The following AEBP1 variants were observed in gnomAD, a reference collection of about 807,000 sequenced individuals.
AEBP1 encodes the protein AE binding protein 1.
Under a neutral mutation model 116.5 loss-of-function variants are expected in AEBP1, and 69 were observed. The ratio of observed to expected loss-of-function variants is 0.59; its 90% CI spans 0.49 to 0.72. The LOEUF (loss-of-function observed/expected upper bound fraction) is 0.72. Among genes scored for constraint, AEBP1 ranks in the 30% least tolerant of loss-of-function variants. AEBP1 has a pLI of 0.00. For synonymous variants in AEBP1, 627 were observed against 627.3 expected (o/e 1.00, Z 0.01); for missense variants, 1,444 against 1,557.5 (o/e 0.93, Z 1.23).
At position 44,106,753 on chromosome 7, in the gene AEBP1, A is replaced by G. The variant is rs1269746679; in HGVS notation, c.461A>G (p.Lys154Arg). 6.2e-7 allele frequency: 1 copy of G among 1,609,132 alleles called. No homozygotes were observed. Among genetic ancestry groups the G allele is most frequent in the Non-Finnish European group, 8.5e-7 (1 of 1,179,250 alleles). Reference sequence around the variant, plus strand: ...CCACCCAAGGCCACCAAGAAGCCCAAAGAGAAGCCACCCAAGGCCACCAAG... The same window carrying G: ...CCACCCAAGGCCACCAAGAAGCCCAGAGAGAAGCCACCCAAGGCCACCAAG... ...EKPPKATKKP[K>R]EKPPKATKKP... Residue 154 changes from lysine (K) to arginine (R), a missense_variant, in exon 2 of 21, where the codon AAA (lysine) becomes AGA (arginine). Coordinates refer to ENST00000223357, the MANE Select transcript of AEBP1 (RefSeq NM_001129.5).
Position 44,108,063 on chromosome 7 carries a change from G to C in AEBP1, c.919G>C (p.Val307Leu). The part of the protein sequence containing the change: ...PLPPDYGDGY[V>L]IPNYDDMDYY... Reference sequence around the variant, plus strand: ...GCCCCCTGACTATGGTGATGGTTACGTGATCCCCAACTACGATGACAGTGA... The same window carrying C: ...GCCCCCTGACTATGGTGATGGTTACCTGATCCCCAACTACGATGACAGTGA... The change falls in exon 6 of 21, where the codon GTG becomes CTG. Residue 307 changes from valine (V) to leucine (L), a missense_variant. Transcript: ENST00000223357. This position sits in a 1 kb window ranked among gnomAD's most constrained non-coding sequence, Gnocchi z 5.0. The C allele has an allele frequency of 6.2e-7, 1 of 1,602,668 alleles. No individual in the cohort carries two copies. Among genetic ancestry groups the C allele is most frequent in the Non-Finnish European group, 8.5e-7 (1 of 1,175,862 alleles).
chr7:44,105,267 C>A (rs2075072), intron 1 of AEBP1, among the ~76,000 whole-genome samples: 30,092 of 152,108 alleles, frequency 0.2, 5,460 homozygotes, highest in African/African-American at 0.47. Flanking sequence ...ACTAATGGGA[C>A]CACTCTCCCT....
chr7:44,111,666 T>G lies in AEBP1; in HGVS notation c.1840+36T>G, dbSNP rs528409648. On this transcript the variant is annotated intron_variant, in intron 15 of 20. Coordinates refer to ENST00000223357, the MANE Select transcript of AEBP1 (RefSeq NM_001129.5). The surrounding 1 kb of genome is among the most constrained non-coding windows in gnomAD (Gnocchi z 4.7). ...GTGGGGGCCAGCAGCTGGCCTCTGCTGCTGATGTGCAGAGCTCACTGCCTC... is the reference window on the plus strand; with the variant it reads ...GTGGGGGCCAGCAGCTGGCCTCTGCGGCTGATGTGCAGAGCTCACTGCCTC... The G allele has an allele frequency of 6.8e-6, 11 of 1,608,252 alleles. No homozygotes were observed. Among genetic ancestry groups the G allele is most frequent in the Non-Finnish European group, 9.3e-6 (11 of 1,178,214 alleles).
chr7:44,112,845 A>G lies in AEBP1; in HGVS notation c.2505A>G (p.Gln835=). The G allele has an allele frequency of 6.2e-7, 1 of 1,612,684 alleles. No individual in the cohort carries two copies. Among genetic ancestry groups the G allele is most frequent in the Non-Finnish European group, 8.5e-7 (1 of 1,179,920 alleles). ...TLTEPYRGGC[Q]AQDYTGGMGI... ...CCGAGCCCTACCGCGGAGGCTGCCA[A>G]GCCCAGGACTACACCGGCGGCATGG... The change falls in exon 18 of 21, where the codon CAA becomes CAG. Residue 835 remains glutamine, a synonymous_variant. Coordinates refer to ENST00000223357, the MANE Select transcript of AEBP1 (RefSeq NM_001129.5). This position sits in a 1 kb window ranked among gnomAD's most constrained non-coding sequence, Gnocchi z 6.6.
In AEBP1 at chr7:44,112,066, A is replaced by G; in HGVS notation, c.2037+16A>G. 6.2e-7 allele frequency: 1 copy of G among 1,608,990 alleles called. No individual in the cohort carries two copies. The highest frequency in any genetic ancestry group is 1.1e-5 in the South Asian group (1 of 90,976). On this transcript the variant is annotated intron_variant, in intron 16 of 20. Coordinates refer to ENST00000223357, the MANE Select transcript of AEBP1 (RefSeq NM_001129.5). This position sits in a 1 kb window ranked among gnomAD's most constrained non-coding sequence, Gnocchi z 6.6. Reference sequence around the variant, plus strand: ...AGCGCAGATGGTGGGTTGAAGGGTGAGGCTGGCCAGGGTCCAGGCAGCTGG... The same window carrying G: ...AGCGCAGATGGTGGGTTGAAGGGTGGGGCTGGCCAGGGTCCAGGCAGCTGG...
At position 44,106,848 on chromosome 7, in the gene AEBP1, C is replaced by A. The variant is rs1319503957; in HGVS notation, c.556C>A (p.Pro186Thr). The stretch of plus-strand genomic sequence containing the variant: ...AACCCTGGAGTGGCCACTGCCCCCA[C>A]CCCCCAGCCCTGGCCCCGAGGAGCT... ...SETLEWPLPP[P>T]PSPGPEELPQ... Residue 186 changes from proline (P) to threonine (T), a missense_variant, in exon 2 of 21, where the codon CCC (proline) becomes ACC (threonine). Pro to Thr is a conservative substitution (Grantham distance 38). Coordinates refer to ENST00000223357, the MANE Select transcript of AEBP1 (RefSeq NM_001129.5). The A allele has an allele frequency of 1.3e-6, 2 of 1,598,576 alleles. No individual in the cohort carries two copies. The highest frequency in any genetic ancestry group is 2.3e-5 in the East Asian group (1 of 44,416).
In AEBP1 at chr7:44,108,757, A is replaced by G; in HGVS notation, c.941-142A>G. 3 of 732,598 alleles carry G rather than the reference A, an allele frequency of 4.1e-6. No individual in the cohort carries two copies. The highest frequency in any genetic ancestry group is 6.9e-6 in the Non-Finnish European group (3 of 437,606). 45.4% of individuals were successfully genotyped at this position (732,598 alleles called of 1,614,324 possible). The stretch of plus-strand genomic sequence containing the variant: ...TCGGGCTGCTCCTGACTCCTGCAAG[A>G]CCCTCTCCCAACTCAGCTGTCCCCC... On this transcript the variant is annotated intron_variant, in intron 6 of 20. Coordinates refer to ENST00000223357, the MANE Select transcript of AEBP1 (RefSeq NM_001129.5). This position sits in a 1 kb window ranked among gnomAD's most constrained non-coding sequence, Gnocchi z 5.0.
In AEBP1 at chr7:44,113,777, G is replaced by A. The variant is rs200154504; in HGVS notation, c.2993G>A (p.Gly998Glu). The change falls in exon 21 of 21, where the codon GGG (glycine) becomes GAG (glutamate). Residue 998 changes from glycine (G) to glutamate (E), a missense_variant. Transcript: ENST00000223357. The surrounding 1 kb of genome is among the most constrained non-coding windows in gnomAD (Gnocchi z 5.3). ...KRIREIMAMN[G>E]NRPIPHIDPS... ...ATCCGGGAGATCATGGCCATGAACG[G>A]GAACCGGCCTATCCCACACATAGAC... 6.2e-6 allele frequency: 10 copies of A among 1,614,096 alleles called. No homozygotes were observed. The highest frequency in any genetic ancestry group is 8.5e-6 in the Non-Finnish European group (10 of 1,179,986).
In AEBP1 at chr7:44,113,417, TGAG is replaced by T. The variant is rs2096232284; in HGVS notation, c.2809+69_2809+71del. 1 of 1,518,190 alleles carries T rather than the reference TGAG, an allele frequency of 6.6e-7. No individual in the cohort carries two copies. Among genetic ancestry groups the T allele is most frequent in the African/African-American group, 1.4e-5 (1 of 71,522 alleles). The allele number at this position is 1,518,190 out of a possible 1,614,324, so 94.0% of individuals were successfully genotyped here. ...GGACCCGCCAGAGAGGGTGGGGGCT[TGAG>T]GAACTCAGCGAGCAGGTAGAGTCTG... is the stretch of plus-strand genomic sequence containing the variant. On this transcript the variant is annotated intron_variant, in intron 20 of 20. Transcript: ENST00000223357. This position sits in a 1 kb window ranked among gnomAD's most constrained non-coding sequence, Gnocchi z 5.3.
chr7:44,106,839 C>G lies in AEBP1; in HGVS notation c.547C>G (p.Leu183Val), dbSNP rs555988943. 8 of 1,605,724 alleles carry G rather than the reference C, an allele frequency of 5.0e-6. No homozygotes were observed. The African/African-American group carries it at 8.0e-5, about 16-fold the overall frequency. The part of the protein sequence containing the change: ...LAPSETLEWP[L>V]PPPPSPGPEE... ...TCCCTCAGAAACCCTGGAGTGGCCA[C>G]TGCCCCCACCCCCCAGCCCTGGCCC... Residue 183 changes from leucine to valine, a missense_variant, in exon 2 of 21, where the codon CTG becomes GTG. Transcript: ENST00000223357.
rs1257918873 is a variant in AEBP1, at chr7:44,112,655, C to A, written c.2315C>A (p.Pro772His). Reference sequence around the variant, plus strand: ...GGCGGCGAGCGGCTAGTATCCTACCCCTACGATATGGCCCGCACGCCTACC... The same window carrying A: ...GGCGGCGAGCGGCTAGTATCCTACCACTACGATATGGCCCGCACGCCTACC... ...LNGGERLVSY[P>H]YDMARTPTQE... Residue 772 changes from proline to histidine, a missense_variant, in exon 18 of 21, where the codon CCC (proline) becomes CAC (histidine). Transcript: ENST00000223357. The surrounding 1 kb of genome is among the most constrained non-coding windows in gnomAD (Gnocchi z 6.6). 6.2e-7 allele frequency: 1 copy of A among 1,613,302 alleles called. No homozygotes were observed. The highest frequency in any genetic ancestry group is 2.2e-5 in the East Asian group (1 of 44,878).
In AEBP1 at chr7:44,111,351, G is replaced by A; in HGVS notation, c.1716+112G>A. Reference sequence around the variant, plus strand: ...GTCCCTACTGGTTCCAGGGATGCTGGCTGTCCCTCACCTTAGGAAGGAGGC... The same window carrying A: ...GTCCCTACTGGTTCCAGGGATGCTGACTGTCCCTCACCTTAGGAAGGAGGC... On this transcript the variant is annotated intron_variant, in intron 14 of 20. Coordinates refer to ENST00000223357, the MANE Select transcript of AEBP1 (RefSeq NM_001129.5). The surrounding 1 kb of genome is among the most constrained non-coding windows in gnomAD (Gnocchi z 4.7). 1 of 1,403,844 alleles carries A rather than the reference G, an allele frequency of 7.1e-7. No homozygotes were observed. The highest frequency in any genetic ancestry group is 9.4e-7 in the Non-Finnish European group (1 of 1,058,356). The allele number at this position is 1,403,844 out of a possible 1,614,324, so 87.0% of individuals were successfully genotyped here.
chr7:44,109,407 G>A, intron 9 of AEBP1, 66 bp downstream of exon 9: 1 of 1,449,398 alleles, frequency 6.9e-7, no homozygotes, highest in Non-Finnish European at 9.2e-7. Flanking sequence ...ACAAGTGACT[G>A]GCCCAATGTC....
Position 44,113,983 on chromosome 7 carries a change from C to A in AEBP1, c.3199C>A (p.Pro1067Thr). The A allele has an allele frequency of 6.2e-7, 1 of 1,613,916 alleles. No homozygotes were observed. The highest frequency in any genetic ancestry group is 2.2e-5 in the East Asian group (1 of 44,868). Residue 1067 changes from proline (P) to threonine (T), a missense_variant, in exon 21 of 21, where the codon CCC becomes ACC. Transcript: ENST00000223357. The surrounding 1 kb of genome is among the most constrained non-coding windows in gnomAD (Gnocchi z 5.3). ...CACCACCCTGAGCACTACCATAGAG[C>A]CCTGGGGCCTCATACCGCCAACCAC... Reference protein sequence around the residue: ...PATTLSTTIEPWGLIPPTTAG... With the variant: ...PATTLSTTIETWGLIPPTTAG...
Position 44,107,866 on chromosome 7 carries a change from C to A in AEBP1, c.797C>A (p.Pro266His), listed in dbSNP as rs1482991967. The change falls in exon 5 of 21, where the codon CCC becomes CAC. Residue 266 changes from proline (P) to histidine (H), a missense_variant. Transcript: ENST00000223357. This position sits in a 1 kb window ranked among gnomAD's most constrained non-coding sequence, Gnocchi z 4.3. ...PRPPPSRRRR[P>H]ERVWPEPPEE... Reference sequence around the variant, plus strand: ...CCACCCCCAAGCAGAAGGAGGAGGCCCGAGCGGGTCTGGCCAGAGCCCCCT... The same window carrying A: ...CCACCCCCAAGCAGAAGGAGGAGGCACGAGCGGGTCTGGCCAGAGCCCCCT... The A allele has an allele frequency of 6.2e-7, 1 of 1,607,868 alleles. No homozygotes were observed.
In AEBP1 at chr7:44,112,414, G is replaced by T. The variant is rs777111959; in HGVS notation, c.2217+93G>T. ...CTTGGGGGTGGGGCTGACGGTGCCT[G>T]AACTCCAGACGCTGAGGCTCTGGGG... On this transcript the variant is annotated intron_variant, in intron 17 of 20. Coordinates refer to ENST00000223357, the MANE Select transcript of AEBP1 (RefSeq NM_001129.5). This position sits in a 1 kb window ranked among gnomAD's most constrained non-coding sequence, Gnocchi z 6.6. 9.0e-6 allele frequency: 13 copies of T among 1,443,658 alleles called. No individual in the cohort carries two copies. The highest frequency in any genetic ancestry group is 1.2e-5 in the Non-Finnish European group (13 of 1,077,530). 89.4% of individuals were successfully genotyped at this position (1,443,658 alleles called of 1,614,324 possible). A position where few individuals can be genotyped will look rare whatever the true frequency, so the allele number is the denominator to read the frequency against.
Position 44,108,971 on chromosome 7 carries a change from A to T in AEBP1, c.1013A>T (p.Glu338Val). ...AERQTDEEKE[E>V]LKKPKKEDSS... is the part of the protein sequence containing the mutation. ...CGCCAGACAGACGAAGAGAAGGAGGAGCTGAGTGAGTGGGACCAAGGACTT... is the reference window on the plus strand; with the variant it reads ...CGCCAGACAGACGAAGAGAAGGAGGTGCTGAGTGAGTGGGACCAAGGACTT... The change falls in exon 7 of 21, where the codon GAG (glutamate) becomes GTG (valine). Residue 338 changes from glutamate to valine, a missense_variant. By Grantham distance (121) the Glu-to-Val change is moderately radical (BLOSUM62 -2). Coordinates refer to ENST00000223357, the MANE Select transcript of AEBP1 (RefSeq NM_001129.5). The surrounding 1 kb of genome is among the most constrained non-coding windows in gnomAD (Gnocchi z 5.0). 23 of 1,604,932 alleles carry T rather than the reference A, an allele frequency of 1.4e-5. No homozygotes were observed. Among genetic ancestry groups the T allele is most frequent in the Non-Finnish European group, 2.0e-5 (23 of 1,176,348 alleles).
In AEBP1 at chr7:44,111,694, G is replaced by C. The variant is rs1267544405; in HGVS notation, c.1840+64G>C. The C allele has an allele frequency of 6.9e-6, 11 of 1,596,532 alleles. No homozygotes were observed. The highest frequency in any genetic ancestry group is 1.1e-5 in the South Asian group (1 of 89,342). ...TGATGTGCAGAGCTCACTGCCTCCCGCCTGTTCCGGAGCCTCTCTGGGGAT... is the reference window on the plus strand; with the variant it reads ...TGATGTGCAGAGCTCACTGCCTCCCCCCTGTTCCGGAGCCTCTCTGGGGAT... On this transcript the variant is annotated intron_variant, in intron 15 of 20. Transcript: ENST00000223357. This position sits in a 1 kb window ranked among gnomAD's most constrained non-coding sequence, Gnocchi z 4.7.
intron 1 of AEBP1, 99 bp downstream of exon 1, chr7:44,105,017 A>T (rs2096221552): frequency 9.4e-7 from 1 of 1,059,398 alleles, no homozygotes; most frequent in Non-Finnish European, 1.3e-6. Context: ...CTGCTAGGGG[A>T]GGAATGGCTG....
Sources: allele counts gnomAD v4.1 joint callset (sites outside exome capture counted in the v4.1 genomes callset), GRCh38; gene constraint gnomAD v4.1.1; non-coding constraint Gnocchi (gnomAD v3.1); transcripts MANE v1.5; gene names NCBI Gene and HGNC (gene_info 2026-07-23, HGNC 2026-07-21).